The following PGC variants were observed in gnomAD, a reference collection of about 807,000 sequenced individuals.
PGC encodes the protein progastricsin.
PGC carries 31 observed loss-of-function variants against 45.9 expected under a neutral mutation model. The observed-to-expected ratio is 0.67, with a 90% CI of 0.51 to 0.91. The LOEUF is 0.91. PGC is among the 40% of genes least tolerant of loss of function. The pLI is 0.00. For synonymous variants in PGC, 192 were observed against 201.8 expected (o/e 0.95, Z 0.41); for missense variants, 477 against 493.2 (o/e 0.97, Z 0.31).
chr6:41,737,087 G>A (rs1771699691), intron 8 of PGC, 83 bp from the exon 9 acceptor site: 2 of 1,367,576 alleles, frequency 1.5e-6, no homozygotes, highest in Non-Finnish European at 2.0e-6. Flanking sequence ...TGGGCTGGGA[G>A]CACAAGTGCA....
Position 41,744,885 on chromosome 6 carries a change from T to C in PGC, c.60-77A>G. The C allele has an allele frequency of 7.6e-7, 1 of 1,324,126 alleles. No homozygotes were observed. Among genetic ancestry groups the C allele is most frequent in the Non-Finnish European group, 1.0e-6 (1 of 955,198 alleles). The allele number at this position is 1,324,126 out of a possible 1,614,324, so 82.0% of individuals were successfully genotyped here. A position where few individuals can be genotyped will look rare whatever the true frequency, so the allele number is the denominator to read the frequency against. On this transcript the variant is annotated intron_variant, in intron 1 of 8. Transcript: ENST00000373025. The surrounding 1 kb of genome is among the most constrained non-coding windows in gnomAD (Gnocchi z 4.4). ...ACTCCTCTCTTTCTCTCTCTCCTTCTCTTAACTGCATGCTTCAACCTCCCT... is the reference window on the plus strand; with the variant it reads ...ACTCCTCTCTTTCTCTCTCTCCTTCCCTTAACTGCATGCTTCAACCTCCCT...
Position 41,740,594 on chromosome 6 carries a change from C to G in PGC, c.664G>C (p.Gly222Arg), listed in dbSNP as rs561530442. The change falls in exon 6 of 9, where the codon GGG becomes CGG. Residue 222 changes from glycine (G) to arginine (R), a missense_variant. Transcript: ENST00000373025. ...ACACCCCCAAAGACAACCGCTCCCCCGCTGGAGCCCTGCTGGCTGCAGGAG... is the reference window on the plus strand; with the variant it reads ...ACACCCCCAAAGACAACCGCTCCCCGGCTGGAGCCCTGCTGGCTGCAGGAG... The part of the protein sequence containing the change: ...VYLSNQQGSS[G>R]GAVVFGGVDS... 1.9e-5 allele frequency: 31 copies of G among 1,600,368 alleles called. No individual in the cohort carries two copies. The East Asian group carries it at 6.6e-4, about 34-fold the overall frequency.
In PGC at chr6:41,743,513, C is replaced by A; in HGVS notation, c.329-124G>T. On this transcript the variant is annotated intron_variant, in intron 3 of 8. Coordinates refer to ENST00000373025, the MANE Select transcript of PGC (RefSeq NM_002630.4). ...GCGCTCACATCCTGGGACCTCAGCACCCCTGGTTGCCAAGTCAAGGGGTGG... is the reference window on the plus strand; with the variant it reads ...GCGCTCACATCCTGGGACCTCAGCAACCCTGGTTGCCAAGTCAAGGGGTGG... 3 of 699,720 alleles carry A rather than the reference C, an allele frequency of 4.3e-6. No individual in the cohort carries two copies. The South Asian group carries it at 4.9e-5, about 11-fold the overall frequency. 43.3% of individuals were successfully genotyped at this position (699,720 alleles called of 1,614,324 possible).
rs1312792362 is a variant in PGC at position 41,738,175 on chromosome 6, T to TAC, written c.916-348_916-347insGT. Among the ~76,000 whole-genome samples the TAC allele has an allele frequency of 5.6e-4, 30 of 53,450 alleles. 1 individual carries two copies. Among genetic ancestry groups the TAC allele is most frequent in the Admixed American group, 1.0e-3 (4 of 3,832 alleles). The allele number at this position is 53,450 out of a possible 152,430, so 35.1% of individuals were successfully genotyped here. On this transcript the variant is annotated intron_variant, in intron 7 of 8. Transcript: ENST00000373025. ...ATATATACATATATATGCATATATA[T>TAC]ATACATATATATATGCATATATATA...
chr6:41,738,134 A>G lies in PGC; in HGVS notation c.916-306T>C, dbSNP rs577963646. ...CAAGTGCCTATATACATATATATGC[A>G]TATATATATGCATATATATATACAT... On this transcript the variant is annotated intron_variant, in intron 7 of 8. Transcript: ENST00000373025. 7.8e-5 allele frequency among the ~76,000 whole-genome samples: 5 copies of G among 64,130 alleles called. 1 individual carries two copies. Among genetic ancestry groups the G allele is most frequent in the African/African-American group, 2.5e-4 (4 of 16,130 alleles). 42.1% of individuals were successfully genotyped at this position (64,130 alleles called of 152,430 possible). A position where few individuals can be genotyped will look rare whatever the true frequency, so the allele number is the denominator to read the frequency against.
intron 7 of PGC, among the ~76,000 whole-genome samples, chr6:41,738,555 G>A (rs1771760079): frequency 6.6e-6 from 1 of 151,946 alleles, no homozygotes; most frequent in African/African-American, 2.4e-5. Context: ...TTGAGCCCAG[G>A]AGGCGGAGCT....
At chr6:41,741,864 A>C in intron 5 of PGC, 1 of 1,521,958 alleles carries the variant, frequency 6.6e-7, no homozygotes, top group Non-Finnish European at 8.8e-7. Flanking sequence ...AGATAAAAGG[A>C]GATGAAGCAA....
Position 41,737,055 on chromosome 6 carries a change from G to C in PGC, c.1015-51C>G, listed in dbSNP as rs1185047699. 10 of 1,546,026 alleles carry C rather than the reference G, an allele frequency of 6.5e-6. No individual in the cohort carries two copies. The African/African-American group carries it at 1.4e-4, about 21-fold the overall frequency. ...CATTCATTTGTCCACACATGAGCTG[G>C]GCCCTGCTCAGCTCTGAGCCCTGGG... is the stretch of plus-strand genomic sequence containing the variant. On this transcript the variant is annotated intron_variant, in intron 8 of 8. Coordinates refer to ENST00000373025, the MANE Select transcript of PGC (RefSeq NM_002630.4).
chr6:41,738,186 ATATG>A (rs1261605127), intron 7 of PGC, among the ~76,000 whole-genome samples: 2 of 29,766 alleles, frequency 6.7e-5, no homozygotes, highest in African/African-American at 1.3e-4. Flanking sequence ...ATACATATAT[ATATG>A]CATATATATA....
rs143065374 is a variant in PGC at position 41,744,820 on chromosome 6, T to A, written c.60-12A>T. ...TCTTCAGGGGCACTCTACAGAAAGG[T>A]TGCATATGAGGCAAGGCCCTCCCTC... On this transcript the variant is annotated splice_polypyrimidine_tract_variant and intron_variant, in intron 1 of 8. Coordinates refer to ENST00000373025, the MANE Select transcript of PGC (RefSeq NM_002630.4). This position sits in a 1 kb window ranked among gnomAD's most constrained non-coding sequence, Gnocchi z 4.4. The A allele has an allele frequency of 6.2e-7, 1 of 1,612,568 alleles. No individual in the cohort carries two copies. Among genetic ancestry groups the A allele is most frequent in the Admixed American group, 1.7e-5 (1 of 59,858 alleles).
intron 7 of PGC, 133 bp downstream of exon 7, chr6:41,739,666 G>GCCTC: frequency 1.2e-6 from 1 of 848,608 alleles, no homozygotes; most frequent in East Asian, 2.6e-5. Context: ...AGATCTGCCT[G>GCCTC]CCTTGGCCTC....
At position 41,736,857 on chromosome 6, in the gene PGC, C is replaced by A; in HGVS notation, c.1162G>T (p.Ala388Ser). The A allele has an allele frequency of 6.8e-6, 11 of 1,614,028 alleles. No homozygotes were observed. The highest frequency in any genetic ancestry group is 9.3e-6 in the Non-Finnish European group (11 of 1,179,990). The stretch of plus-strand genomic sequence containing the variant: ...CACGTGTCGAGGCAGCAAGTCTAGG[C>A]GGCAGTGGCAAAGCCTACTCTGTTG... ...GNNRVGFATA[A>S] Residue 388 changes from alanine (A) to serine (S), a missense_variant, in exon 9 of 9, where the codon GCC becomes TCC. Physicochemically the swap from Ala to Ser is moderately conservative, Grantham distance 99. Coordinates refer to ENST00000373025, the MANE Select transcript of PGC (RefSeq NM_002630.4).
At chr6:41,742,108 C>T (rs770781291) in intron 5 of PGC, among the ~76,000 whole-genome samples, 182 bp downstream of exon 5, 1 of 152,022 alleles carries the variant, frequency 6.6e-6, no homozygotes, top group African/African-American at 2.4e-5. Context: ...GGGGTGTGGT[C>T]GGGTGGCTGG....
intron 7 of PGC, among the ~76,000 whole-genome samples, chr6:41,738,264 GCACACACACA>G (rs10557594): frequency 2.1e-5 from 1 of 47,194 alleles, no homozygotes; most frequent in Non-Finnish European, 3.9e-5. Context: ...ATATATATAT[GCACACACACA>G]CACACACACA....
intron 5 of PGC, 95 bp downstream of exon 5, chr6:41,742,195 C>T: frequency 8.4e-7 from 1 of 1,183,558 alleles, no homozygotes; most frequent in African/African-American, 1.5e-5. Context: ...GCTGGGATGC[C>T]TCCAAACCCC....
At position 41,740,476 on chromosome 6, in the gene PGC, C is replaced by T. The variant is rs1475428952; in HGVS notation, c.767+15G>A. The T allele has an allele frequency of 6.2e-7, 1 of 1,600,070 alleles. No individual in the cohort carries two copies. Among genetic ancestry groups the T allele is most frequent in the Non-Finnish European group, 8.5e-7 (1 of 1,173,286 alleles). On this transcript the variant is annotated intron_variant, in intron 6 of 8. Transcript: ENST00000373025. Reference sequence around the variant, plus strand: ...AAGGAAGTGCCACATCCCCAGGGCCCCACCGCAGACTCACTCTTCAATGCC... The same window carrying T: ...AAGGAAGTGCCACATCCCCAGGGCCTCACCGCAGACTCACTCTTCAATGCC...
At chr6:41,740,767 G>A in intron 5 of PGC, 157 bp from the exon 6 acceptor site, 2 of 1,442,670 alleles carry the variant, frequency 1.4e-6, no homozygotes, top group Non-Finnish European at 1.8e-6. Context: ...GGGGCTCCCT[G>A]AGGACAGGGC....
In PGC at chr6:41,742,281, G is replaced by T. The variant is rs1205571876; in HGVS notation, c.647+9C>A. The T allele has an allele frequency of 1.2e-6, 2 of 1,612,480 alleles. No individual in the cohort carries two copies. The highest frequency in any genetic ancestry group is 2.2e-5 in the South Asian group (2 of 91,060). On this transcript the variant is annotated intron_variant, in intron 5 of 8. Transcript: ENST00000373025. The stretch of plus-strand genomic sequence containing the variant: ...CCGGGAGGTGGGGACTGGCCAGCTG[G>T]TTGCTCACTTGCTGAGGTAGACGCT...
intron 5 of PGC, chr6:41,740,907 C>T (rs887081778): frequency 2.8e-5 from 40 of 1,449,662 alleles, no homozygotes; most frequent in Non-Finnish European, 3.2e-5. Flanking sequence ...TAGATTGGGG[C>T]TCCCTGGGGA....
Sources: allele counts gnomAD v4.1 joint callset (sites outside exome capture counted in the v4.1 genomes callset), GRCh38; gene constraint gnomAD v4.1.1; non-coding constraint Gnocchi (gnomAD v3.1); transcripts MANE v1.5; gene names NCBI Gene and HGNC (gene_info 2026-07-23, HGNC 2026-07-21).